DSCAM: variants seen among roughly 807,000 people sequenced by gnomAD.
DSCAM encodes the protein DS cell adhesion molecule.
A neutral mutation model predicts 217.7 loss-of-function variants in DSCAM; 47 were observed. The ratio of observed to expected loss-of-function variants is 0.22; its 90% confidence interval spans 0.17 to 0.28. The LOEUF (loss-of-function observed/expected upper bound fraction) is 0.28. Ranked by LOEUF, DSCAM falls within the 10% of genes least tolerant of loss-of-function variation. The pLI is 1.00. For missense variants in DSCAM, 2,080 were observed against 2,618.3 expected (o/e 0.79, Z 4.49); for synonymous variants, 1,056 against 1,015.3 (o/e 1.04, Z -0.76).
chr21:40,421,631 T>C (rs934257155), intron 3 of DSCAM, among the ~76,000 whole-genome samples: 2 of 152,254 alleles, frequency 1.3e-5, no homozygotes, highest in African/African-American at 4.8e-5. Flanking sequence ...CTCACAGTCT[T>C]TGAATTTCCG....
chr21:40,377,388 G>C (rs1199990911), intron 3 of DSCAM, among the ~76,000 whole-genome samples: 2 of 152,056 alleles, frequency 1.3e-5, no homozygotes, highest in Non-Finnish European at 2.9e-5. Context: ...GCAAGCGGAG[G>C]TACAACCAGA....
chr21:40,466,338 C>T (rs564948871), intron 3 of DSCAM, among the ~76,000 whole-genome samples: 464 of 152,232 alleles, frequency 3.0e-3, no homozygotes, highest in Middle Eastern at 0.014. Context: ...GCTCTGAGGC[C>T]ATCAACAGTT....
chr21:40,323,007 G>A (rs2123529060), intron 8 of DSCAM, among the ~76,000 whole-genome samples: 1 of 152,266 alleles, frequency 6.6e-6, no homozygotes, highest in Admixed American at 6.5e-5. Flanking sequence ...CTCGGAGATT[G>A]TCTCAGCTGC....
At chr21:40,287,560 C>A (rs1291160406) in intron 10 of DSCAM, among the ~76,000 whole-genome samples, 1 of 152,176 alleles carries the variant, frequency 6.6e-6, no homozygotes, top group African/African-American at 2.4e-5. Flanking sequence ...GTATTGAGCA[C>A]AGCATGTGTT....
chr21:40,278,447 T>C (rs962726722), intron 10 of DSCAM, among the ~76,000 whole-genome samples: 43 of 152,006 alleles, frequency 2.8e-4, no homozygotes, highest in African/African-American at 1.0e-3. Context: ...CATAACAACT[T>C]ATTGGCAGGC....
At chr21:40,035,225 G>A (rs1329502021) in intron 32 of DSCAM, among the ~76,000 whole-genome samples, 1 of 115,704 alleles carries the variant, frequency 8.6e-6, no homozygotes, top group Non-Finnish European at 1.8e-5. Context: ...CTGGCAAATT[G>A]GATAAAGAGT....
chr21:40,794,486 A>C (rs1197724227), intron 1 of DSCAM, among the ~76,000 whole-genome samples: 5 of 151,826 alleles, frequency 3.3e-5, no homozygotes, highest in Non-Finnish European at 7.4e-5. Flanking sequence ...TTTGCGATAT[A>C]CTGCACCAAA....
chr21:40,311,981 C>A (rs1398282126), intron 9 of DSCAM, 100 bp downstream of exon 9: 29 of 177,546 alleles, frequency 1.6e-4, no homozygotes, highest in East Asian at 2.8e-4. Context: ...AACTGAATTT[C>A]TAAGTTCCAG....
intron 19 of DSCAM, 108 bp downstream of exon 19, chr21:40,133,746 G>T: frequency 7.3e-7 from 1 of 1,362,630 alleles, no homozygotes; most frequent in Non-Finnish European, 9.8e-7. Flanking sequence ...GGGCAGCAAA[G>T]GTTTGCACTG....
chr21:40,448,530 T>A (rs1293333189), intron 3 of DSCAM, among the ~76,000 whole-genome samples: 1 of 152,122 alleles, frequency 6.6e-6, no homozygotes, highest in East Asian at 1.9e-4. Context: ...CTGGTTCAGC[T>A]TGTAGGGAAA....
chr21:40,105,224 A>T (rs962599257), intron 20 of DSCAM, among the ~76,000 whole-genome samples: 1 of 152,238 alleles, frequency 6.6e-6, no homozygotes, highest in African/African-American at 2.4e-5. Flanking sequence ...ATGATTTCAC[A>T]TAATGCCTAG....
intron 30 of DSCAM, among the ~76,000 whole-genome samples, chr21:40,044,921 C>A (rs1427354622): frequency 6.6e-6 from 1 of 152,136 alleles, no homozygotes; most frequent in East Asian, 1.9e-4. Flanking sequence ...ATGTCCTAAC[C>A]CCCAGGACCT....
chr21:40,108,688 C>T (rs901707921), intron 20 of DSCAM, among the ~76,000 whole-genome samples: 1 of 152,118 alleles, frequency 6.6e-6, no homozygotes, highest in Non-Finnish European at 1.5e-5. Context: ...GCCCAAACAG[C>T]CAAGGCAATC....
intron 1 of DSCAM, among the ~76,000 whole-genome samples, chr21:40,816,733 T>C (rs2091884668): frequency 6.6e-6 from 1 of 152,204 alleles, no homozygotes; most frequent in Admixed American, 6.5e-5. Context: ...TTTTTCTTAT[T>C]AAGCAACGCT....
intron 3 of DSCAM, among the ~76,000 whole-genome samples, chr21:40,496,316 C>A (rs2076118131): frequency 6.6e-6 from 1 of 152,102 alleles, no homozygotes; most frequent in Non-Finnish European, 1.5e-5. Flanking sequence ...GGCATAGAAA[C>A]AGACACACAG....
chr21:40,217,403 C>T (rs940246988), intron 11 of DSCAM, among the ~76,000 whole-genome samples: 5 of 152,048 alleles, frequency 3.3e-5, no homozygotes, highest in Non-Finnish European at 5.9e-5. Context: ...ACTTTTCAAA[C>T]GTCCTGCTTT....
intron 3 of DSCAM, among the ~76,000 whole-genome samples, chr21:40,562,699 AGAC>A (rs2076729862): frequency 1.3e-5 from 2 of 152,250 alleles, no homozygotes; most frequent in African/African-American, 4.8e-5. Flanking sequence ...ACCTTAAACC[AGAC>A]GCTCTGCTAT....
chr21:40,173,767 T>C (rs1374838154), intron 15 of DSCAM, among the ~76,000 whole-genome samples: 1 of 152,158 alleles, frequency 6.6e-6, no homozygotes. Flanking sequence ...GGAGGAAAGA[T>C]GAGGCAAGGA....
In DSCAM at chr21:40,157,126, C is replaced by A. The variant is rs2146749787; in HGVS notation, c.3018+10092G>T. 2.0e-5 allele frequency among the ~76,000 whole-genome samples: 3 copies of A among 152,274 alleles called. No individual in the cohort carries two copies. In the Middle Eastern group the frequency reaches 0.01, roughly 518 times the overall value. ...AATCAAAAGAGGAAGAATATTTTGT[C>A]ATGTGAAAATTATGTGAACTTCAAA... On this transcript the variant is annotated intron_variant, in intron 16 of 32. Transcript: ENST00000400454.
Sources: allele counts gnomAD v4.1 joint callset (sites outside exome capture counted in the v4.1 genomes callset), GRCh38; gene constraint gnomAD v4.1.1; transcripts MANE v1.5; gene names NCBI Gene and HGNC (gene_info 2026-07-23, HGNC 2026-07-21).